Variants in UBE2D2 observed in about 807,000 individuals in gnomAD.
UBE2D2 encodes ubiquitin conjugating enzyme E2 D2.
Under a neutral mutation model 24.2 loss-of-function variants are expected in UBE2D2, and 2 were observed. The ratio of observed to expected loss-of-function variants is 0.08; its 90% CI spans 0.03 to 0.26. UBE2D2 has a LOEUF of 0.26. Ranked by LOEUF, UBE2D2 falls within the 10% of genes least tolerant of loss-of-function variation. UBE2D2 has a pLI of 1.00. For missense variants in UBE2D2, 44 were observed against 177.6 expected (o/e 0.25, Z 4.28); for synonymous variants, 58 against 56.5 (o/e 1.03, Z -0.12).
chr5:139,549,440 C>T (rs993116710), intron 1 of UBE2D2, among the ~76,000 whole-genome samples: 20 of 152,334 alleles, frequency 1.3e-4, no homozygotes, highest in Admixed American at 2.0e-4. Flanking sequence ...GCACTCCGAG[C>T]GGCCGGCTGG....
chr5:139,537,222 A>C (rs1752695893), intron 1 of UBE2D2, among the ~76,000 whole-genome samples: 1 of 151,964 alleles, frequency 6.6e-6, no homozygotes, highest in South Asian at 2.1e-4. Flanking sequence ...TATACCCTTA[A>C]TATGCTCAAA....
chr5:139,595,892 GTTT>G (rs70988709), intron 1 of UBE2D2, among the ~76,000 whole-genome samples: 27 of 98,854 alleles, frequency 2.7e-4, no homozygotes, highest in African/African-American at 4.3e-4. Flanking sequence ...GTTTTTTGTT[GTTT>G]TTTTTTTTTT....
chr5:139,567,317 C>T (rs1346397933), intron 1 of UBE2D2, among the ~76,000 whole-genome samples: 1 of 151,966 alleles, frequency 6.6e-6, no homozygotes, highest in East Asian at 1.9e-4. Flanking sequence ...CCAGGCTGGT[C>T]TCGAACTCCT....
chr5:139,530,675 A>T (rs534718333), intron 1 of UBE2D2, among the ~76,000 whole-genome samples: 1 of 152,318 alleles, frequency 6.6e-6, no homozygotes, highest in South Asian at 2.1e-4. Flanking sequence ...CTGAAGGAGG[A>T]GTTTGTAGAA....
chr5:139,549,416 G>T (rs1019260722), intron 1 of UBE2D2, among the ~76,000 whole-genome samples: 1 of 152,224 alleles, frequency 6.6e-6, no homozygotes, highest in African/African-American at 2.4e-5. Context: ...GGTGCGCGGG[G>T]TCTTGGCGGC....
At chr5:139,600,831 C>T (rs1310315623) in intron 2 of UBE2D2, among the ~76,000 whole-genome samples, 2 of 152,158 alleles carry the variant, frequency 1.3e-5, no homozygotes, top group Non-Finnish European at 1.5e-5. Flanking sequence ...GACAGGGTCT[C>T]GCTCTGTCAA....
intron 1 of UBE2D2, among the ~76,000 whole-genome samples, chr5:139,592,785 G>A (rs1288690928): frequency 6.6e-6 from 1 of 150,466 alleles, no homozygotes; most frequent in Non-Finnish European, 1.5e-5. Flanking sequence ...TGTATTTTTA[G>A]TAGAGATGGC....
intron 2 of UBE2D2, among the ~76,000 whole-genome samples, chr5:139,606,703 A>C (rs1160323933): frequency 6.6e-6 from 1 of 151,998 alleles, no homozygotes; most frequent in East Asian, 1.9e-4. Context: ...TTTTTGAAAC[A>C]GATGTTTATG....
intron 2 of UBE2D2, among the ~76,000 whole-genome samples, chr5:139,608,458 C>T (rs1458688287): frequency 2.6e-5 from 4 of 151,684 alleles, no homozygotes; most frequent in Non-Finnish European, 4.4e-5. Flanking sequence ...GAAGGGTATT[C>T]TGGGTATTCT....
At chr5:139,573,301 CAAAAA>C (rs1051847278) in intron 1 of UBE2D2, among the ~76,000 whole-genome samples, 1 of 95,022 alleles carries the variant, frequency 1.1e-5, no homozygotes, top group Non-Finnish European at 2.2e-5. Flanking sequence ...AACTCCATCT[CAAAAA>C]AAAAAAGAAA....
At chr5:139,605,279 A>C (rs1754173229) in intron 2 of UBE2D2, among the ~76,000 whole-genome samples, 1 of 152,112 alleles carries the variant, frequency 6.6e-6, no homozygotes, top group African/African-American at 2.4e-5. Flanking sequence ...TCTGGTAAGC[A>C]GGAAGAAATG....
chr5:139,550,710 G>C (rs1468554278), intron 1 of UBE2D2, among the ~76,000 whole-genome samples: 1 of 150,770 alleles, frequency 6.6e-6, no homozygotes, highest in African/African-American at 2.4e-5. Context: ...ATGAACCCAT[G>C]GGAGGAATGA....
At chr5:139,539,215 G>C (rs1263445193) in intron 1 of UBE2D2, among the ~76,000 whole-genome samples, 1 of 151,906 alleles carries the variant, frequency 6.6e-6, no homozygotes, top group Non-Finnish European at 1.5e-5. Context: ...AGTAGAGACG[G>C]GGTTTCAACA....
At chr5:139,598,238 C>T (rs1378881064) in intron 1 of UBE2D2, among the ~76,000 whole-genome samples, 1 of 152,128 alleles carries the variant, frequency 6.6e-6, no homozygotes, top group Non-Finnish European at 1.5e-5. Context: ...TTGTGTACTC[C>T]AAGCTTACAG....
chr5:139,588,905 C>T (rs1033687342), intron 1 of UBE2D2, among the ~76,000 whole-genome samples: 6 of 151,990 alleles, frequency 3.9e-5, no homozygotes, highest in African/African-American at 1.2e-4. Context: ...GTAGTTCCAG[C>T]GACTCAGCCT....
intron 1 of UBE2D2, among the ~76,000 whole-genome samples, chr5:139,528,460 G>A (rs1364268638): frequency 6.6e-6 from 1 of 152,192 alleles, no homozygotes; most frequent in East Asian, 1.9e-4. Flanking sequence ...AACCCAGAAT[G>A]TAGGGCCCTG....
At chr5:139,572,653 T>A (rs1718175332) in intron 1 of UBE2D2, among the ~76,000 whole-genome samples, 1 of 151,256 alleles carries the variant, frequency 6.6e-6, no homozygotes, top group Admixed American at 6.6e-5. Flanking sequence ...TATTCTTTTT[T>A]TTTTTTTTTT....
rs554161511 is a variant in UBE2D2, at chr5:139,619,373, G to A, written c.305-3995G>A. 4.7e-5 allele frequency among the ~76,000 whole-genome samples: 7 copies of A among 147,726 alleles called. No homozygotes were observed. The South Asian group carries it at 8.7e-4, about 18-fold the overall frequency. The stretch of plus-strand genomic sequence containing the variant: ...ATCACACCACTGTGCTCCAGCCTGG[G>A]CAACAGAGCAAGAGTCTGTCTCAAA... On this transcript the variant is annotated intron_variant, in intron 5 of 6. Transcript: ENST00000398733.
chr5:139,587,182 C>A (rs1295802065), intron 1 of UBE2D2, among the ~76,000 whole-genome samples: 1 of 152,166 alleles, frequency 6.6e-6, no homozygotes, highest in Admixed American at 6.6e-5. Context: ...GACTAGTGTT[C>A]CAGCTGGATA....
Sources: gnomAD v4.1 joint callset for allele counts (sites outside exome capture counted in the v4.1 genomes callset) on GRCh38, gnomAD v4.1.1 for gene constraint, MANE v1.5 for transcripts, NCBI Gene and HGNC (gene_info 2026-07-23, HGNC 2026-07-21) for gene names.